Variants in IL17RB observed in about 807,000 individuals in gnomAD.
IL17RB encodes interleukin-17 receptor B.
IL17RB carries 36 observed loss-of-function variants against 43.9 expected under a neutral mutation model. The observed-to-expected ratio is 0.82, with a 90% CI of 0.63 to 1.08. The LOEUF (loss-of-function observed/expected upper bound fraction) is 1.08, where lower values mean the gene tolerates loss of function less well. IL17RB is among the 50% of genes least tolerant of loss of function. The pLI, the probability that IL17RB is intolerant of heterozygous loss-of-function variation, is 0.00. For synonymous variants in IL17RB, 225 were observed against 225.4 expected (o/e 1.00, Z 0.02); for missense variants, 613 against 613.6 (o/e 1.00, Z 0.01).
At chr3:53,864,706 T>A in intron 10 of IL17RB, 40 bp from the exon 11 acceptor site, 1 of 1,433,184 alleles carries the variant, frequency 7.0e-7, no homozygotes, top group Non-Finnish European at 9.6e-7. Context: ...AGCCTGCTGT[T>A]TGCTGTTCAC....
rs539863765 is a variant in IL17RB, at chr3:53,864,762, T to C, written c.963T>C (p.Thr321=). The change falls in exon 11 of 11, where the codon ACT becomes ACC. Residue 321 remains threonine, a synonymous_variant. Transcript: ENST00000288167. Reference sequence around the variant, plus strand: ...CTCTCACAGAAAGGATCAAGAAGACTTCCTTTTCTACCACCACACTACTGC... The same window carrying C: ...CTCTCACAGAAAGGATCAAGAAGACCTCCTTTTCTACCACCACACTACTGC... ...LMWRHERIKK[T]SFSTTTLLPP... The C allele has an allele frequency of 1.2e-6, 2 of 1,608,636 alleles. No homozygotes were observed. The highest frequency in any genetic ancestry group is 2.7e-5 in the African/African-American group (2 of 74,908).
chr3:53,856,534 C>A (rs1462101637), intron 6 of IL17RB, among the ~76,000 whole-genome samples: 1 of 152,192 alleles, frequency 6.6e-6, no homozygotes, highest in Non-Finnish European at 1.5e-5. Flanking sequence ...AAAATACTGA[C>A]CCTATCCCTT....
chr3:53,846,687 C>A, intron 1 of IL17RB, 39 bp downstream of exon 1: 1 of 1,550,626 alleles, frequency 6.4e-7, no homozygotes, highest in Non-Finnish European at 8.7e-7. Flanking sequence ...ATCTCCCGGC[C>A]CTCGAGCCCA....
chr3:53,849,321 T>C (rs996234659), intron 2 of IL17RB, among the ~76,000 whole-genome samples: 1 of 152,160 alleles, frequency 6.6e-6, no homozygotes, highest in African/African-American at 2.4e-5. Flanking sequence ...TTCTGTTAGA[T>C]CAAAATTATC....
chr3:53,852,238 C>A, intron 4 of IL17RB, 112 bp downstream of exon 4: 2 of 963,648 alleles, frequency 2.1e-6, no homozygotes, highest in Admixed American at 2.1e-5. Context: ...ATCTTCTGGG[C>A]TCAAGCGATC....
chr3:53,852,901 G>C lies in IL17RB; in HGVS notation c.385G>C (p.Glu129Gln), dbSNP rs2107010812. The change falls in exon 5 of 11, where the codon GAG becomes CAG. Residue 129 changes from glutamate (E) to glutamine (Q), a missense_variant. Coordinates refer to ENST00000288167, the MANE Select transcript of IL17RB (RefSeq NM_018725.4). Reference protein sequence around the residue: ...WTFSYIGFPVELNTVYFIGAH... With the variant: ...WTFSYIGFPVQLNTVYFIGAH... ...ATTTTCCTACATCGGCTTCCCTGTA[G>C]AGCTGAACACAGTCTATTTCATTGG... 6.2e-7 allele frequency: 1 copy of C among 1,613,898 alleles called. No homozygotes were observed. Among genetic ancestry groups the C allele is most frequent in the Non-Finnish European group, 8.5e-7 (1 of 1,179,780 alleles).
chr3:53,852,434 C>A (rs1699187086), intron 4 of IL17RB, among the ~76,000 whole-genome samples: 1 of 152,096 alleles, frequency 6.6e-6, no homozygotes. Flanking sequence ...TGTATCCGGG[C>A]ATAGACACTT....
intron 5 of IL17RB, 96 bp from the exon 6 acceptor site, chr3:53,855,198 C>T: frequency 2.1e-6 from 1 of 479,710 alleles, no homozygotes; most frequent in Non-Finnish European, 3.8e-6. Flanking sequence ...CAATTTGTTA[C>T]AGGTGTGGTA....
rs1699735878 is a variant in IL17RB, at chr3:53,865,105, A to G, written c.1306A>G (p.Ser436Gly). 4 of 1,614,172 alleles carry G rather than the reference A, an allele frequency of 2.5e-6. No individual in the cohort carries two copies. The highest frequency in any genetic ancestry group is 3.3e-4 in the Middle Eastern group (2 of 6,062). Reference protein sequence around the residue: ...AFNLFCSDLRSQIHLHKYVVV... With the variant: ...AFNLFCSDLRGQIHLHKYVVV... ...TAACCTTTTCTGCAGTGATCTAAGA[A>G]GCCAGATTCATCTGCACAAATACGT... The change falls in exon 11 of 11, where the codon AGC (serine) becomes GGC (glycine). Residue 436 changes from serine to glycine, a missense_variant. Physicochemically the swap from Ser to Gly is moderately conservative, Grantham distance 56 (BLOSUM62 0). Coordinates refer to ENST00000288167, the MANE Select transcript of IL17RB (RefSeq NM_018725.4).
Position 53,865,081 on chromosome 3 carries a change from A to G in IL17RB, c.1282A>G (p.Asn428Asp). Reference protein sequence around the residue: ...NSQDLFPLAFNLFCSDLRSQI... With the variant: ...NSQDLFPLAFDLFCSDLRSQI... ...TCAAGACCTCTTCCCCCTTGCCTTTAACCTTTTCTGCAGTGATCTAAGAAG... is the reference window on the plus strand; with the variant it reads ...TCAAGACCTCTTCCCCCTTGCCTTTGACCTTTTCTGCAGTGATCTAAGAAG... Residue 428 changes from asparagine (N) to aspartate (D), a missense_variant, in exon 11 of 11, where the codon AAC becomes GAC. Transcript: ENST00000288167. 1 of 1,614,124 alleles carries G rather than the reference A, an allele frequency of 6.2e-7. No homozygotes were observed. The highest frequency in any genetic ancestry group is 1.1e-5 in the South Asian group (1 of 91,088).
intron 1 of IL17RB, among the ~76,000 whole-genome samples, chr3:53,847,510 C>G (rs1270136679): frequency 6.7e-6 from 1 of 148,856 alleles, no homozygotes. Flanking sequence ...AAAGTCAAGT[C>G]TGGCCGGGCT....
chr3:53,862,216 G>A (rs1264190232), intron 10 of IL17RB, among the ~76,000 whole-genome samples: 1 of 152,146 alleles, frequency 6.6e-6, no homozygotes, highest in African/African-American at 2.4e-5. Flanking sequence ...AAAGTCCTCA[G>A]AGTGGTCTCC....
At chr3:53,854,258 C>G (rs1699257712) in intron 5 of IL17RB, among the ~76,000 whole-genome samples, 1 of 152,126 alleles carries the variant, frequency 6.6e-6, no homozygotes, top group Non-Finnish European at 1.5e-5. Context: ...TTCCATATAC[C>G]TCTCACCCAG....
intron 5 of IL17RB, 120 bp from the exon 6 acceptor site, chr3:53,855,174 C>G: frequency 8.1e-6 from 3 of 372,006 alleles, no homozygotes; most frequent in African/African-American, 2.2e-5. Context: ...CATCTTACAT[C>G]TGGAATGTTT....
chr3:53,858,763 T>G lies in IL17RB; in HGVS notation c.792T>G (p.His264Gln), dbSNP rs1473809659. 1 of 1,614,038 alleles carries G rather than the reference T, an allele frequency of 6.2e-7. No homozygotes were observed. Among genetic ancestry groups the G allele is most frequent in the Non-Finnish European group, 8.5e-7 (1 of 1,180,030 alleles). ...FPTCGSDCIR[H>Q]KGTVVLCPQT... is the part of the protein sequence containing the mutation. ...CTTGTGGCAGCGACTGCATCCGACA[T>G]AAAGGAACAGTTGTGCTCTGCCCAC... The change falls in exon 9 of 11, where the codon CAT (histidine) becomes CAG (glutamine). Residue 264 changes from histidine to glutamine, a missense_variant. His to Gln is a conservative substitution (Grantham distance 24). Coordinates refer to ENST00000288167, the MANE Select transcript of IL17RB (RefSeq NM_018725.4).
chr3:53,858,511 C>G (rs529277204), intron 8 of IL17RB: 2 of 1,410,992 alleles, frequency 1.4e-6, no homozygotes, highest in Non-Finnish European at 9.2e-7. Flanking sequence ...GTTCAGACCC[C>G]GGGAGTCTTG....
At chr3:53,852,341 G>A (rs143880503) in intron 4 of IL17RB, among the ~76,000 whole-genome samples, 33 of 152,094 alleles carry the variant, frequency 2.2e-4, no homozygotes, top group Admixed American at 5.2e-4. Context: ...GGGTTTCACC[G>A]TGTTGCTGGT....
Position 53,852,932 on chromosome 3 carries a change from A to G in IL17RB, c.416A>G (p.His139Arg), listed in dbSNP as rs1160231983. The change falls in exon 5 of 11, where the codon CAT becomes CGT. Residue 139 changes from histidine (H) to arginine (R), a missense_variant. Physicochemically the swap from His to Arg is conservative, Grantham distance 29. Transcript: ENST00000288167. ...AACACAGTCTATTTCATTGGGGCCC[A>G]TAATATTCCTAATGCAAATATGAAT... ...ELNTVYFIGA[H>R]NIPNANMNED... The G allele has an allele frequency of 1.2e-6, 2 of 1,613,368 alleles. No individual in the cohort carries two copies. Among genetic ancestry groups the G allele is most frequent in the East Asian group, 2.2e-5 (1 of 44,896 alleles).
chr3:53,858,927 G>A (rs956192883), intron 9 of IL17RB, 109 bp downstream of exon 9: 15 of 796,240 alleles, frequency 1.9e-5, no homozygotes, highest in African/African-American at 3.4e-5. Flanking sequence ...GCAAGGGGTC[G>A]CTGCCTGTGT....
Sources: gnomAD v4.1 joint callset for allele counts (sites outside exome capture counted in the v4.1 genomes callset) on GRCh38, gnomAD v4.1.1 for gene constraint, MANE v1.5 for transcripts, NCBI Gene and HGNC (gene_info 2026-07-23, HGNC 2026-07-21) for gene names.